NRG1: variants seen among roughly 807,000 people sequenced by gnomAD.
The protein encoded by NRG1 is pro-neuregulin-1, membrane-bound isoform.
In NRG1, 18 loss-of-function variants were observed where a neutral mutation model predicts 63.8. The ratio of observed to expected loss-of-function variants is 0.28; its 90% confidence interval spans 0.19 to 0.42. The LOEUF is 0.42. Ranked by LOEUF, NRG1 falls within the 10% of genes least tolerant of loss-of-function variation. The pLI is 1.00. For synonymous variants in NRG1, 302 were observed against 301.3 expected (o/e 1.00, Z -0.02); for missense variants, 762 against 814.7 (o/e 0.94, Z 0.79).
intron 1 of NRG1, among the ~76,000 whole-genome samples, chr8:32,532,939 G>T (rs1268349478): frequency 6.6e-6 from 1 of 151,548 alleles, no homozygotes; most frequent in Non-Finnish European, 1.5e-5. Context: ...TACTTAAGTT[G>T]CTGGTTTTTT....
intron 1 of NRG1, among the ~76,000 whole-genome samples, chr8:32,018,623 A>G (rs10954818): frequency 0.24 from 36,102 of 152,124 alleles, 5,180 homozygotes; most frequent in East Asian, 0.66. Flanking sequence ...CTTCTTTTAT[A>G]TTCCACTAAA....
intron 1 of NRG1, among the ~76,000 whole-genome samples, chr8:31,938,731 G>A (rs1801313086): frequency 6.6e-6 from 1 of 152,094 alleles, no homozygotes; most frequent in African/African-American, 2.4e-5. Context: ...TGCAACTTCT[G>A]GAAATCAAGG....
chr8:32,504,341 CA>C (rs1563555393), intron 1 of NRG1, among the ~76,000 whole-genome samples: 1 of 152,144 alleles, frequency 6.6e-6, no homozygotes, highest in Non-Finnish European at 1.5e-5. Context: ...CCTGCTGTAA[CA>C]AAACTAGTTT....
chr8:32,162,725 G>A (rs186023469), intron 1 of NRG1, among the ~76,000 whole-genome samples: 331 of 152,088 alleles, frequency 2.2e-3, no homozygotes, highest in Middle Eastern at 6.8e-3. Flanking sequence ...TGGAGAGTGG[G>A]TTAGCAAATT....
At chr8:32,609,552 C>CCTTCCT (rs1845934930) in intron 3 of NRG1, among the ~76,000 whole-genome samples, 1 of 83,174 alleles carries the variant, frequency 1.2e-5, no homozygotes, top group Admixed American at 1.3e-4. Context: ...CCTTCCCTCC[C>CCTTCCT]TCCTTCCTTC....
chr8:31,945,659 T>C (rs918413850), intron 1 of NRG1, among the ~76,000 whole-genome samples: 1 of 152,230 alleles, frequency 6.6e-6, no homozygotes, highest in African/African-American at 2.4e-5. Context: ...GTAACTGCTG[T>C]CTAGCCGCAG....
At chr8:31,843,705 C>T (rs1826407922) in intron 1 of NRG1, among the ~76,000 whole-genome samples, 1 of 152,144 alleles carries the variant, frequency 6.6e-6, no homozygotes, top group African/African-American at 2.4e-5. Context: ...TAATACGAAT[C>T]CCCAGTCACT....
At chr8:32,276,741 G>A (rs1269255669) in intron 1 of NRG1, among the ~76,000 whole-genome samples, 1 of 152,104 alleles carries the variant, frequency 6.6e-6, no homozygotes, top group Non-Finnish European at 1.5e-5. Flanking sequence ...TTAAATAGTG[G>A]GGAAATAGGA....
At chr8:32,183,939 C>G (rs1462583033) in intron 1 of NRG1, among the ~76,000 whole-genome samples, 2 of 152,096 alleles carry the variant, frequency 1.3e-5, no homozygotes, top group Non-Finnish European at 2.9e-5. Context: ...TTCCTTTAAC[C>G]CTTGTGTAGT....
intron 1 of NRG1, among the ~76,000 whole-genome samples, chr8:31,864,528 T>C (rs1232339182): frequency 6.6e-6 from 1 of 151,996 alleles, no homozygotes; most frequent in Non-Finnish European, 1.5e-5. Flanking sequence ...GCCAGTGGGT[T>C]TGAAGCCTTG....
At chr8:31,712,405 A>T (rs112621003) in intron 1 of NRG1, among the ~76,000 whole-genome samples, 242 of 151,690 alleles carry the variant, frequency 1.6e-3, no homozygotes, top group African/African-American at 5.7e-3. Flanking sequence ...AGTAGCTGGG[A>T]CTATAGGCAC....
chr8:32,447,695 C>T (rs1296159243), intron 1 of NRG1, among the ~76,000 whole-genome samples: 1 of 151,906 alleles, frequency 6.6e-6, no homozygotes, highest in East Asian at 1.9e-4. Flanking sequence ...ATAGTGAGAC[C>T]CCATCTCTAC....
intron 1 of NRG1, among the ~76,000 whole-genome samples, chr8:32,147,677 CTA>C (rs1173711063): frequency 6.6e-6 from 1 of 152,264 alleles, no homozygotes; most frequent in East Asian, 1.9e-4. Flanking sequence ...CCCTCTAACT[CTA>C]TCACTGTCTT....
chr8:32,686,843 A>G (rs1267999023), intron 5 of NRG1, among the ~76,000 whole-genome samples: 1 of 152,218 alleles, frequency 6.6e-6, no homozygotes, highest in Non-Finnish European at 1.5e-5. Context: ...GGCCAGGCTC[A>G]GGGAGCTCCT....
At chr8:31,949,494 A>G (rs2068453549) in intron 1 of NRG1, among the ~76,000 whole-genome samples, 1 of 152,156 alleles carries the variant, frequency 6.6e-6, no homozygotes, top group South Asian at 2.1e-4. Context: ...TTTTTGTTTC[A>G]CTGGATTGCT....
chr8:32,748,338 C>T (rs994841743), intron 7 of NRG1, among the ~76,000 whole-genome samples: 14 of 90,224 alleles, frequency 1.6e-4, no homozygotes, highest in Non-Finnish European at 2.4e-4. Flanking sequence ...CGCGCGCGCG[C>T]GCACACACAC....
At chr8:32,561,985 G>T (rs1217331846) in intron 1 of NRG1, among the ~76,000 whole-genome samples, 1 of 152,096 alleles carries the variant, frequency 6.6e-6, no homozygotes, top group Non-Finnish European at 1.5e-5. Context: ...TTGTGGTTCT[G>T]GTCTGGGCCT....
At chr8:31,777,712 G>T (rs1586339382) in intron 1 of NRG1, among the ~76,000 whole-genome samples, 1 of 152,150 alleles carries the variant, frequency 6.6e-6, no homozygotes, top group Non-Finnish European at 1.5e-5. Context: ...TTCCACCCAT[G>T]GCAGAAGGAA....
chr8:32,159,350 A>C (rs1038625798), intron 1 of NRG1, among the ~76,000 whole-genome samples: 2 of 151,504 alleles, frequency 1.3e-5, no homozygotes, highest in African/African-American at 4.9e-5. Context: ...CTGGCTAACA[A>C]GGTGAAACCC....
Sources: gnomAD v4.1 joint callset for allele counts (sites outside exome capture counted in the v4.1 genomes callset) on GRCh38, gnomAD v4.1.1 for gene constraint, MANE v1.5 for transcripts, NCBI Gene and HGNC (gene_info 2026-07-23, HGNC 2026-07-21) for gene names.